Variants in TBC1D25 observed in about 807,000 individuals in gnomAD.
The protein encoded by TBC1D25 is 5SN3 snoRNA.
A neutral mutation model predicts 38.8 loss-of-function variants in TBC1D25; 13 were observed. The observed-to-expected ratio is 0.34, with a 90% CI of 0.22 to 0.53. The LOEUF is 0.53. TBC1D25 is among the 20% of genes least tolerant of loss of function. The probability of loss-of-function intolerance (pLI) is 0.94; values close to 1 mark genes in which losing one functional copy is unlikely to be tolerated. For missense variants in TBC1D25, 372 were observed against 600.0 expected, an observed-to-expected ratio of 0.62 and a Z score of 3.97; for synonymous variants, 225 against 255.6, an observed-to-expected ratio of 0.88 and a Z score of 1.14.
chrX:48,560,667 G>A lies in TBC1D25; in HGVS notation c.1759G>A (p.Val587Ile). The A allele has an allele frequency of 8.3e-7, 1 of 1,211,630 alleles. No homozygotes were observed. The highest frequency in any genetic ancestry group is 2.3e-4 in the Middle Eastern group (1 of 4,353). Reference protein sequence around the residue: ...MAVGSPLMQEVGSPKDPGKSL... With the variant: ...MAVGSPLMQEIGSPKDPGKSL... ...TGTAGGATCCCCCTTGATGCAAGAG[G>A]TAGGCTCCCCGAAAGACCCTGGAAA... The change falls in exon 6 of 6, where the codon GTA (valine) becomes ATA (isoleucine). Residue 587 changes from valine to isoleucine, a missense_variant. Coordinates refer to ENST00000376771, the MANE Select transcript of TBC1D25 (RefSeq NM_002536.4).
At chrX:48,545,743 CCA>C (rs1460721919) in intron 3 of TBC1D25, among the ~76,000 whole-genome samples, 1 of 112,124 alleles carries the variant, frequency 8.9e-6, no homozygotes, top group Non-Finnish European at 1.9e-5. Context: ...TAACAGAATA[CCA>C]CAGACTGAGG....
chrX:48,540,632 T>C (rs1556979955), intron 1 of TBC1D25, among the ~76,000 whole-genome samples: 1 of 111,597 alleles, frequency 9.0e-6, no homozygotes, highest in Non-Finnish European at 1.9e-5. Flanking sequence ...ATCAGAGCGC[T>C]AAGACAGAGA....
At chrX:48,544,749 T>A in intron 2 of TBC1D25, 120 bp from the exon 3 acceptor site, 5 of 929,393 alleles carry the variant, frequency 5.4e-6, no homozygotes, top group Non-Finnish European at 7.3e-6. Flanking sequence ...GCACAGTACC[T>A]TGCACATAGT....
intron 3 of TBC1D25, among the ~76,000 whole-genome samples, chrX:48,554,326 G>A (rs1556984092): frequency 9.0e-6 from 1 of 110,725 alleles, no homozygotes; most frequent in Non-Finnish European, 1.9e-5. Context: ...GAGGCAGGCG[G>A]ATCACTTGAA....
chrX:48,540,029 G>T (rs147149128), intron 1 of TBC1D25, 109 bp downstream of exon 1: 13,850 of 915,281 alleles, frequency 0.015, 98 homozygotes, highest in Non-Finnish European at 0.017. Context: ...CATAACCTGA[G>T]CGGCGAAGCT....
intron 1 of TBC1D25, among the ~76,000 whole-genome samples, chrX:48,540,750 A>G (rs2061832309): frequency 1.8e-5 from 2 of 112,179 alleles, no homozygotes; most frequent in Non-Finnish European, 3.8e-5. Flanking sequence ...GGCAGTGATA[A>G]GAGGGTCCAC....
intron 5 of TBC1D25, 91 bp downstream of exon 5, chrX:48,559,437 A>C (rs2062002729): frequency 9.1e-7 from 1 of 1,104,264 alleles, no homozygotes; most frequent in Non-Finnish European, 1.2e-6. Context: ...TGCTGTGGGC[A>C]AGGGTGGAGA....
At chrX:48,550,340 C>T (rs1458236700) in intron 3 of TBC1D25, among the ~76,000 whole-genome samples, 1 of 112,054 alleles carries the variant, frequency 8.9e-6, no homozygotes, top group African/African-American at 3.2e-5. Flanking sequence ...CGAAATGCCA[C>T]GTTTGTCACA....
chrX:48,539,725 C>A lies in TBC1D25; in HGVS notation c.-73C>A, dbSNP rs1256531940. 5 of 931,627 alleles carry A rather than the reference C, an allele frequency of 5.4e-6. No homozygotes were observed. Among genetic ancestry groups the A allele is most frequent in the Non-Finnish European group, 5.3e-6 (4 of 752,142 alleles). 76.8% of individuals were successfully genotyped at this position (931,627 alleles called of 1,213,427 possible). On this transcript the variant is annotated 5_prime_UTR_variant, in exon 1 of 6. Coordinates refer to ENST00000376771, the MANE Select transcript of TBC1D25 (RefSeq NM_002536.4). ...CCCCGGCACGAGGTGGGGCGGCGGG[C>A]GTCAGTACAGTAGAGTGTGCGCCGG...
intron 3 of TBC1D25, among the ~76,000 whole-genome samples, chrX:48,549,025 T>C (rs2061908835): frequency 8.9e-6 from 1 of 112,136 alleles, no homozygotes; most frequent in Non-Finnish European, 1.9e-5. Flanking sequence ...GCCTAGACCT[T>C]TGACCAATTT....
chrX:48,544,868 GGAA>G lies in TBC1D25; in HGVS notation c.240_242del (p.Lys80del). 3 of 1,211,697 alleles carry G rather than the reference GGAA, an allele frequency of 2.5e-6. No individual in the cohort carries two copies. The highest frequency in any genetic ancestry group is 3.4e-6 in the Non-Finnish European group (3 of 895,358). On this transcript the variant is annotated inframe_deletion and splice_region_variant, in exon 3 of 6. Transcript: ENST00000376771. Reference sequence around the variant, plus strand: ...AGAGCTCCCTCGTATCCCCTGTCCAGGAAGAAGAACTTTGGCATCAGCTACCTG... The same window carrying G: ...AGAGCTCCCTCGTATCCCCTGTCCAGGAAGAACTTTGGCATCAGCTACCTG...
chrX:48,545,924 A>G (rs913830268), intron 3 of TBC1D25, among the ~76,000 whole-genome samples: 1 of 111,232 alleles, frequency 9.0e-6, no homozygotes, highest in Non-Finnish European at 1.9e-5. Context: ...TAAGAGCCCA[A>G]ATCCGCTGGG....
At chrX:48,554,090 A>T (rs1404011345) in intron 3 of TBC1D25, among the ~76,000 whole-genome samples, 1 of 109,040 alleles carries the variant, frequency 9.2e-6, no homozygotes, top group African/African-American at 3.3e-5. Flanking sequence ...CTGAGACAGG[A>T]GAATCGCTTG....
At chrX:48,545,964 C>A (rs1556981524) in intron 3 of TBC1D25, among the ~76,000 whole-genome samples, 1 of 109,327 alleles carries the variant, frequency 9.1e-6, no homozygotes, top group African/African-American at 3.3e-5. Context: ...AGTCCCAGCA[C>A]TTTGGGAGGC....
At chrX:48,542,026 C>A (rs782313842) in intron 2 of TBC1D25, among the ~76,000 whole-genome samples, 1 of 87,830 alleles carries the variant, frequency 1.1e-5, no homozygotes, top group Non-Finnish European at 2.2e-5. Flanking sequence ...CTTTTTATTT[C>A]TTTTTTTTTT....
chrX:48,551,369 C>T, intron 3 of TBC1D25, among the ~76,000 whole-genome samples: 1 of 111,765 alleles, frequency 8.9e-6, no homozygotes, highest in East Asian at 2.8e-4. Context: ...CACTCTGTTG[C>T]CAGGCTGGAG....
chrX:48,557,792 G>A (rs1262853633), intron 3 of TBC1D25, among the ~76,000 whole-genome samples: 1 of 96,868 alleles, frequency 1.0e-5, no homozygotes, highest in Non-Finnish European at 2.0e-5. Flanking sequence ...CTGGGCGACA[G>A]AGTGAGACTC....
In TBC1D25 at chrX:48,560,614, A is replaced by G. The variant is rs1247952814; in HGVS notation, c.1706A>G (p.Gln569Arg). 1 of 1,208,586 alleles carries G rather than the reference A, an allele frequency of 8.3e-7. No individual in the cohort carries two copies. Among genetic ancestry groups the G allele is most frequent in the Non-Finnish European group, 1.1e-6 (1 of 894,520 alleles). Residue 569 changes from glutamine to arginine, a missense_variant, in exon 6 of 6, where the codon CAG becomes CGG. Coordinates refer to ENST00000376771, the MANE Select transcript of TBC1D25 (RefSeq NM_002536.4). ...SPSSSSPPST[Q>R]EASPTGDMAV... ...TCTTCCTCATCTCCACCATCCACCC[A>G]GGAGGCCTCTCCCACTGGTGATATG...
chrX:48,552,069 C>T (rs1556983420), intron 3 of TBC1D25, among the ~76,000 whole-genome samples: 5 of 111,664 alleles, frequency 4.5e-5, no homozygotes. Context: ...CCAGATATAC[C>T]TTTAGGATTC....
Sources: allele counts gnomAD v4.1 joint callset (sites outside exome capture counted in the v4.1 genomes callset), GRCh38; gene constraint gnomAD v4.1.1; transcripts MANE v1.5; gene names NCBI Gene and HGNC (gene_info 2026-07-23, HGNC 2026-07-21).